Variants in AGBL4 observed in about 807,000 individuals in gnomAD.
AGBL4 encodes AGBL carboxypeptidase 4.
AGBL4 carries 58 observed loss-of-function variants against 66.4 expected under a neutral mutation model. The observed-to-expected ratio is 0.87, with a 90% confidence interval of 0.71 to 1.09. The LOEUF (loss-of-function observed/expected upper bound fraction) is 1.09. Among genes scored for constraint, AGBL4 ranks in the 50% least tolerant of loss-of-function variants. The pLI, the probability that AGBL4 is intolerant of heterozygous loss-of-function variation, is 0.00. For synonymous variants in AGBL4, 234 were observed against 222.9 expected (o/e 1.05, Z -0.44); for missense variants, 579 against 631.0 (o/e 0.92, Z 0.88).
At chr1:48,614,544 C>T (rs1002064856) in intron 9 of AGBL4, among the ~76,000 whole-genome samples, 1 of 152,186 alleles carries the variant, frequency 6.6e-6, no homozygotes, top group Admixed American at 6.5e-5. Context: ...AGAGAAGGTG[C>T]CTGCACACTG....
At chr1:48,716,662 A>G (rs1570337094) in intron 6 of AGBL4, among the ~76,000 whole-genome samples, 1 of 152,306 alleles carries the variant, frequency 6.6e-6, no homozygotes, top group East Asian at 1.9e-4. Flanking sequence ...TGTGTCCACA[A>G]GGGGTGGGAA....
At chr1:49,010,239 A>G (rs1662280429) in intron 5 of AGBL4, among the ~76,000 whole-genome samples, 1 of 145,896 alleles carries the variant, frequency 6.9e-6, no homozygotes, top group Non-Finnish European at 1.5e-5. Flanking sequence ...CCAACAACAG[A>G]CAAACAGAGA....
chr1:49,039,007 T>C (rs1034076846), intron 5 of AGBL4, among the ~76,000 whole-genome samples: 77 of 152,240 alleles, frequency 5.1e-4, no homozygotes, highest in African/African-American at 1.7e-3. Context: ...TGGACTCTTA[T>C]TCAGTGCTAA....
chr1:49,788,528 CAAAGAATA>C (rs1262815749), intron 2 of AGBL4, among the ~76,000 whole-genome samples: 1 of 148,210 alleles, frequency 6.7e-6, no homozygotes, highest in Non-Finnish European at 1.5e-5. Context: ...AAAAAAATTT[CAAAGAATA>C]AAAGAATGAA....
intron 5 of AGBL4, among the ~76,000 whole-genome samples, chr1:48,972,179 G>T (rs1370602250): frequency 6.6e-6 from 1 of 152,118 alleles, no homozygotes; most frequent in Non-Finnish European, 1.5e-5. Context: ...TTCATGAAAA[G>T]TCCCCACGCC....
chr1:49,465,969 C>G (rs975107562), intron 3 of AGBL4, among the ~76,000 whole-genome samples: 6 of 151,726 alleles, frequency 4.0e-5, no homozygotes, highest in African/African-American at 1.5e-4. Context: ...GAGATGATTC[C>G]CAATGACTCA....
At chr1:49,417,635 G>A (rs548853261) in intron 3 of AGBL4, among the ~76,000 whole-genome samples, 5 of 152,170 alleles carry the variant, frequency 3.3e-5, no homozygotes, top group African/African-American at 9.6e-5. Context: ...AACTTCCTAA[G>A]GATTGAAACA....
At chr1:48,874,246 C>G (rs1015643015) in intron 5 of AGBL4, among the ~76,000 whole-genome samples, 2 of 152,136 alleles carry the variant, frequency 1.3e-5, no homozygotes, top group Non-Finnish European at 2.9e-5. Flanking sequence ...CCCCTCCCTT[C>G]TCTGCTCAGT....
intron 3 of AGBL4, among the ~76,000 whole-genome samples, chr1:49,255,377 A>T (rs2148346077): frequency 6.6e-6 from 1 of 152,328 alleles, no homozygotes; most frequent in Middle Eastern, 3.4e-3. Context: ...CACGCTTTTC[A>T]AAAGAAGACA....
chr1:49,207,860 T>TA (rs573482109), intron 4 of AGBL4, among the ~76,000 whole-genome samples: 123 of 152,082 alleles, frequency 8.1e-4, no homozygotes, highest in African/African-American at 2.8e-3. Context: ...AGTGCTGAGT[T>TA]ACTCCACTCA....
Position 48,681,154 on chromosome 1 carries a change from T to C in AGBL4, c.635-17913A>G, listed in dbSNP as rs139105104. Among the ~76,000 whole-genome samples the C allele has an allele frequency of 5.5e-3, 843 of 152,338 alleles. 9 individuals carry two copies. Among genetic ancestry groups the C allele is most frequent in the African/African-American group, 0.019 (806 of 41,558 alleles). On this transcript the variant is annotated intron_variant, in intron 6 of 13. Transcript: ENST00000371839. ...CCTTATTGGATCCTCTGGTATACTA[T>C]CTGGCCTTGGGCAAATTTTCCCTTC... is the stretch of plus-strand genomic sequence containing the variant.
chr1:49,455,830 T>G (rs1570757569), intron 3 of AGBL4, among the ~76,000 whole-genome samples: 2 of 151,750 alleles, frequency 1.3e-5, no homozygotes, highest in African/African-American at 4.8e-5. Flanking sequence ...TCACTGTTTT[T>G]GAACACATCA....
chr1:49,228,166 G>A (rs1437116751), intron 4 of AGBL4, among the ~76,000 whole-genome samples: 2 of 152,130 alleles, frequency 1.3e-5, no homozygotes, highest in South Asian at 2.1e-4. Context: ...CTACAGAGAA[G>A]GTAGTCAGTA....
intron 2 of AGBL4, among the ~76,000 whole-genome samples, chr1:49,750,773 G>A (rs1413218969): frequency 6.6e-6 from 1 of 152,104 alleles, no homozygotes; most frequent in Non-Finnish European, 1.5e-5. Flanking sequence ...CTTGAGGAGT[G>A]GTTTGTAGTT....
At chr1:49,778,982 AGCATG>A (rs1350760561) in intron 2 of AGBL4, among the ~76,000 whole-genome samples, 1 of 152,216 alleles carries the variant, frequency 6.6e-6, no homozygotes, top group African/African-American at 2.4e-5. Context: ...AGATGCTGCC[AGCATG>A]GAAAAAAATT....
At chr1:49,469,696 T>G (rs955290385) in intron 3 of AGBL4, 6 of 151,902 alleles carry the variant, frequency 3.9e-5, no homozygotes, top group Non-Finnish European at 7.4e-5. Context: ...AAAGTTAAAA[T>G]TATCATTGAA....
chr1:48,556,892 C>T (rs959671344), intron 11 of AGBL4, among the ~76,000 whole-genome samples: 15 of 152,148 alleles, frequency 9.9e-5, no homozygotes, highest in African/African-American at 2.9e-4. Context: ...TGGGCTCAAG[C>T]GATTCTGATG....
At chr1:48,694,985 C>G (rs764532765) in intron 6 of AGBL4, among the ~76,000 whole-genome samples, 11 of 152,224 alleles carry the variant, frequency 7.2e-5, no homozygotes, top group Non-Finnish European at 1.3e-4. Flanking sequence ...TCTAACCTCT[C>G]TCCAGTTACA....
intron 2 of AGBL4, chr1:49,846,113 C>T: frequency 6.6e-7 from 1 of 1,507,342 alleles, no homozygotes; most frequent in East Asian, 2.3e-5. Flanking sequence ...CCAGAGCTCC[C>T]TTCTCATCAA....
Sources: gnomAD v4.1 joint callset for allele counts (sites outside exome capture counted in the v4.1 genomes callset) on GRCh38, gnomAD v4.1.1 for gene constraint, MANE v1.5 for transcripts, NCBI Gene and HGNC (gene_info 2026-07-23, HGNC 2026-07-21) for gene names.